STARD9: variants seen among roughly 807,000 people sequenced by gnomAD.
STARD9 encodes StAR related lipid transfer domain containing 9.
A neutral mutation model predicts 399.8 loss-of-function variants in STARD9; 346 were observed. The ratio of observed to expected loss-of-function variants is 0.87; its 90% CI spans 0.79 to 0.95. STARD9 has a LOEUF of 0.95. STARD9 is among the 40% of genes least tolerant of loss of function. The probability of loss-of-function intolerance (pLI) is 0.00; values close to 1 mark genes in which losing one functional copy is unlikely to be tolerated. For missense variants in STARD9, 5,832 were observed against 5,667.5 expected, an observed-to-expected ratio of 1.03 and a Z score of -0.93; for synonymous variants, 2,203 against 2,143.5, an observed-to-expected ratio of 1.03 and a Z score of -0.77.
chr15:42,615,546 C>CAT (rs201049061), intron 3 of STARD9, among the ~76,000 whole-genome samples: 216 of 150,130 alleles, frequency 1.4e-3, no homozygotes, highest in African/African-American at 4.7e-3. Context: ...AAAAACATCC[C>CAT]ATATATATAT....
intron 3 of STARD9, among the ~76,000 whole-genome samples, chr15:42,590,036 C>G (rs1358157703): frequency 8.1e-5 from 12 of 148,978 alleles, no homozygotes; most frequent in Admixed American, 4.1e-4. Context: ...TCACAGCTCA[C>G]TGCAGCCTCA....
intron 10 of STARD9, among the ~76,000 whole-genome samples, chr15:42,661,894 A>C (rs1595726755): frequency 6.6e-6 from 1 of 152,172 alleles, no homozygotes; most frequent in African/African-American, 2.4e-5. Flanking sequence ...TTAAAAAACC[A>C]CTGCTCTCAG....
At chr15:42,679,826 T>A (rs1329992751) in intron 20 of STARD9, among the ~76,000 whole-genome samples, 3 of 152,200 alleles carry the variant, frequency 2.0e-5, no homozygotes, top group African/African-American at 7.2e-5. Context: ...AGATTTGGAC[T>A]CATAGGCTTT....
intron 3 of STARD9, among the ~76,000 whole-genome samples, chr15:42,615,822 GAA>G (rs2058952014): frequency 6.6e-6 from 1 of 152,026 alleles, no homozygotes; most frequent in South Asian, 2.1e-4. Context: ...ACATGAAAAA[GAA>G]GAGTTATATG....
intron 11 of STARD9, 146 bp downstream of exon 11, chr15:42,663,037 GT>G: frequency 1.4e-6 from 1 of 739,072 alleles, no homozygotes; most frequent in Non-Finnish European, 2.2e-6. Flanking sequence ...TTTGTCCTTG[GT>G]TTTAGAGTAG....
intron 7 of STARD9, among the ~76,000 whole-genome samples, chr15:42,646,003 A>G (rs1250077062): frequency 6.6e-6 from 1 of 152,192 alleles, no homozygotes; most frequent in Non-Finnish European, 1.5e-5. Context: ...TCTACTAAAA[A>G]TACAAAAATT....
chr15:42,611,771 A>G (rs572501707), intron 3 of STARD9, among the ~76,000 whole-genome samples: 2 of 152,224 alleles, frequency 1.3e-5, no homozygotes, highest in South Asian at 4.2e-4. Flanking sequence ...GTTATCTCAC[A>G]TTGTGGGTCA....
At chr15:42,680,054 G>A (rs2060394060) in intron 20 of STARD9, among the ~76,000 whole-genome samples, 1 of 152,160 alleles carries the variant, frequency 6.6e-6, no homozygotes, top group South Asian at 2.1e-4. Flanking sequence ...TTTTTTGTTA[G>A]CCTCTGGCAG....
chr15:42,692,055 G>A lies in STARD9; in HGVS notation c.10477G>A (p.Asp3493Asn), dbSNP rs530547541. The A allele has an allele frequency of 1.8e-5, 27 of 1,537,100 alleles. No individual in the cohort carries two copies. Among genetic ancestry groups the A allele is most frequent in the African/African-American group, 6.8e-5 (5 of 73,026 alleles). Residue 3493 changes from aspartate (D) to asparagine (N), a missense_variant, in exon 23 of 33, where the codon GAT (aspartate) becomes AAT (asparagine). Asp to Asn is a conservative substitution (Grantham distance 23). Transcript: ENST00000290607. ...WKQYMSGSAV[D>N]VSCSQKPQGL... ...GCAGTATATGTCTGGCAGTGCAGTC[G>A]ATGTTTCCTGCAGCCAGAAGCCCCA... is the stretch of plus-strand genomic sequence containing the variant.
chr15:42,600,420 T>C (rs1423270069), intron 3 of STARD9, among the ~76,000 whole-genome samples: 1 of 152,084 alleles, frequency 6.6e-6, no homozygotes, highest in Non-Finnish European at 1.5e-5. Flanking sequence ...TCAACAAACA[T>C]TTATCTATTA....
chr15:42,689,982 G>C lies in STARD9; in HGVS notation c.8404G>C (p.Val2802Leu), dbSNP rs2060652320. Residue 2802 changes from valine (V) to leucine (L), a missense_variant, in exon 23 of 33, where the codon GTG (valine) becomes CTG (leucine). Around this residue, in one of 2 missense-constraint regions of STARD9, gnomAD observed 5,828 missense variants for 5,651.1 expected, o/e 1.03. Coordinates refer to ENST00000290607, the MANE Select transcript of STARD9 (RefSeq NM_020759.3). ...TYGEVSDNLL[V>L]TAQGEKTAHF... ...TGGAGAAGTTTCAGATAATTTGTTA[G>C]TGACTGCACAGGGAGAAAAAACAGC... 1 of 1,537,440 alleles carries C rather than the reference G, an allele frequency of 6.5e-7. No homozygotes were observed. The highest frequency in any genetic ancestry group is 1.4e-5 in the African/African-American group (1 of 73,058).
intron 18 of STARD9, 59 bp from the exon 19 acceptor site, chr15:42,675,605 T>C (rs1466353488): frequency 7.7e-7 from 1 of 1,293,338 alleles, no homozygotes; most frequent in Non-Finnish European, 1.1e-6. Flanking sequence ...GCCGTACACA[T>C]AGTATGTACT....
chr15:42,715,568 C>T (rs906503941), intron 26 of STARD9, among the ~76,000 whole-genome samples: 16 of 151,316 alleles, frequency 1.1e-4, no homozygotes, highest in South Asian at 1.0e-3. Context: ...GTGCCCAGGC[C>T]GGAGTGCAGT....
At chr15:42,587,189 C>T (rs1049450418) in intron 3 of STARD9, among the ~76,000 whole-genome samples, 2 of 152,168 alleles carry the variant, frequency 1.3e-5, no homozygotes, top group Admixed American at 6.5e-5. Context: ...AAAGGAACAA[C>T]ATTATCAAGT....
Position 42,686,419 on chromosome 15 carries a change from T to C in STARD9, c.4841T>C (p.Ile1614Thr), listed in dbSNP as rs1306458979. The change falls in exon 23 of 33, where the codon ATA becomes ACA. Residue 1614 changes from isoleucine to threonine, a missense_variant. Physicochemically the swap from Ile to Thr is moderately conservative, Grantham distance 89 (BLOSUM62 -1). Transcript: ENST00000290607. ...CAGGTCTTTGCAACAGAGAACGCGA[T>C]ACCAGATTCCATGACAGAAGCATGT... ...NAQVFATENA[I>T]PDSMTEACEV... The C allele has an allele frequency of 3.3e-6, 5 of 1,537,654 alleles. No homozygotes were observed. The highest frequency in any genetic ancestry group is 4.4e-6 in the Non-Finnish European group (5 of 1,147,048).
chr15:42,647,778 TCTTTA>T (rs1443418487), intron 7 of STARD9, among the ~76,000 whole-genome samples: 1 of 152,254 alleles, frequency 6.6e-6, no homozygotes, highest in Non-Finnish European at 1.5e-5. Flanking sequence ...TTGTGTTTTC[TCTTTA>T]CTTTTCCTGT....
Position 42,692,796 on chromosome 15 carries a change from C to G in STARD9, c.11218C>G (p.Leu3740Val), listed in dbSNP as rs1239945087. ...TGTGGATGAGGGCAGCCAGACTGACCTCACCTTACCCACCCTGTGCCTCCA... is the reference window on the plus strand; with the variant it reads ...TGTGGATGAGGGCAGCCAGACTGACGTCACCTTACCCACCCTGTGCCTCCA... ...TTVDEGSQTD[L>V]TLPTLCLQTS... The change falls in exon 23 of 33, where the codon CTC becomes GTC. Residue 3740 changes from leucine (L) to valine (V), a missense_variant. Physicochemically the swap from Leu to Val is conservative, Grantham distance 32 (BLOSUM62 1). Around this residue, in one of 2 missense-constraint regions of STARD9, gnomAD observed 5,828 missense variants for 5,651.1 expected, o/e 1.03. Transcript: ENST00000290607. The G allele has an allele frequency of 6.5e-7, 1 of 1,537,196 alleles. No homozygotes were observed.
chr15:42,639,077 G>A (rs1034127491), intron 7 of STARD9, among the ~76,000 whole-genome samples: 3 of 152,240 alleles, frequency 2.0e-5, no homozygotes, highest in South Asian at 2.1e-4. Context: ...GGCAAAGAAC[G>A]TTGGAAAGTG....
At chr15:42,680,957 C>T (rs1266674959) in intron 20 of STARD9, among the ~76,000 whole-genome samples, 1 of 152,138 alleles carries the variant, frequency 6.6e-6, no homozygotes, top group East Asian at 1.9e-4. Flanking sequence ...ATTTCTGTTT[C>T]AGGGAATGGA....
Sources: gnomAD v4.1 joint callset for allele counts (sites outside exome capture counted in the v4.1 genomes callset) on GRCh38, gnomAD v4.1.1 for gene constraint, gnomAD v4.1.1 regional missense constraint, MANE v1.5 for transcripts, NCBI Gene and HGNC (gene_info 2026-07-23, HGNC 2026-07-21) for gene names.